Variants in FER1L6 observed in about 807,000 individuals in gnomAD.
FER1L6 encodes fer-1 like family member 6, also known as fer-1-like protein 6.
Under a neutral mutation model 219.2 loss-of-function variants are expected in FER1L6, and 177 were observed. The ratio of observed to expected loss-of-function variants is 0.81; its 90% CI spans 0.71 to 0.91. The LOEUF is 0.91. Ranked by LOEUF, FER1L6 falls within the 40% of genes least tolerant of loss-of-function variation. The pLI is 0.00. For synonymous variants in FER1L6, 768 were observed against 824.3 expected (o/e 0.93, Z 1.17); for missense variants, 2,153 against 2,259.9 (o/e 0.95, Z 0.96).
At chr8:123,897,591 T>C (rs933493361) in intron 1 of FER1L6, among the ~76,000 whole-genome samples, 2 of 152,218 alleles carry the variant, frequency 1.3e-5, no homozygotes, top group Non-Finnish European at 1.5e-5. Context: ...ATTAGTTTTA[T>C]AGAACTGAAA....
Position 124,015,607 on chromosome 8 carries a change from A to ATATATATATGTATGTATG in FER1L6, c.1923-2012_1923-2011insGTATGTATGTATATATAT, listed in dbSNP as rs71289634. 4.3e-3 allele frequency among the ~76,000 whole-genome samples: 379 copies of ATATATATATGTATGTATG among 88,542 alleles called. 8 individuals are homozygous for ATATATATATGTATGTATG. The highest frequency in any genetic ancestry group is 0.015 in the African/African-American group (359 of 23,202). The allele number at this position is 88,542 out of a possible 152,430, so 58.1% of individuals were successfully genotyped here. A position where few individuals can be genotyped will look rare whatever the true frequency, so the allele number is the denominator to read the frequency against. ...TATATATATATATATATATATATATATATATATATTACTCCTGCTGTGAGC... is the reference window on the plus strand; with the variant it reads ...TATATATATATATATATATATATATATATATATATGTATGTATGTATATATATTACTCCTGCTGTGAGC... On this transcript the variant is annotated intron_variant, in intron 15 of 40. Transcript: ENST00000522917.
intron 1 of FER1L6, among the ~76,000 whole-genome samples, chr8:123,862,421 G>C (rs1816762252): frequency 1.4e-5 from 2 of 139,814 alleles, no homozygotes; most frequent in Non-Finnish European, 3.0e-5. Flanking sequence ...GTTCATCAAG[G>C]ATATTGGTCC....
At chr8:124,002,206 C>T (rs185046036) in intron 12 of FER1L6, among the ~76,000 whole-genome samples, 15 of 152,280 alleles carry the variant, frequency 9.9e-5, no homozygotes, top group South Asian at 2.1e-4. Context: ...CAATTCTGTA[C>T]GGAAGGTGGC....
intron 2 of FER1L6, among the ~76,000 whole-genome samples, chr8:123,956,845 C>A (rs978537001): frequency 1.3e-5 from 2 of 152,188 alleles, no homozygotes; most frequent in Non-Finnish European, 2.9e-5. Context: ...GTCTCACTTT[C>A]TGCTCTTAGA....
intron 2 of FER1L6, 37 bp from the exon 3 acceptor site, chr8:123,963,241 A>G (rs778699352): frequency 1.2e-6 from 2 of 1,612,138 alleles, no homozygotes; most frequent in South Asian, 2.2e-5. Flanking sequence ...CCACATGTCA[A>G]TTTCACAGGA....
intron 16 of FER1L6, among the ~76,000 whole-genome samples, chr8:124,018,424 A>G (rs6470207): frequency 0.021 from 3,140 of 152,284 alleles, 110 homozygotes; most frequent in African/African-American, 0.07. Flanking sequence ...TGTAATCCAA[A>G]AACTAAAACC....
In FER1L6 at chr8:124,066,307, T is replaced by A. The variant is rs181280265; in HGVS notation, c.3556-121T>A. 1.6e-4 allele frequency: 171 copies of A among 1,096,274 alleles called. 1 individual carries two copies. The African/African-American group carries it at 2.6e-3, about 17-fold the overall frequency. The allele number at this position is 1,096,274 out of a possible 1,614,324, so 67.9% of individuals were successfully genotyped here. ...CAGAGAGCTGCTATCACAAAACCAGTGGATACCTCTGTGTGTTTTCCAGTG... is the reference window on the plus strand; with the variant it reads ...CAGAGAGCTGCTATCACAAAACCAGAGGATACCTCTGTGTGTTTTCCAGTG... On this transcript the variant is annotated intron_variant, in intron 26 of 40. Transcript: ENST00000522917.
At chr8:123,878,707 T>C (rs1466061173) in intron 1 of FER1L6, among the ~76,000 whole-genome samples, 1 of 152,262 alleles carries the variant, frequency 6.6e-6, no homozygotes, top group East Asian at 1.9e-4. Flanking sequence ...GTGTGTACAT[T>C]AATAAAATAC....
chr8:124,094,767 G>A (rs1822201323), intron 34 of FER1L6, 129 bp from the exon 35 acceptor site: 4 of 1,040,744 alleles, frequency 3.8e-6, no homozygotes, highest in Non-Finnish European at 5.8e-6. Context: ...GATTACAGGT[G>A]TGAACCACTG....
At chr8:124,101,624 T>C (rs1468440685) in intron 38 of FER1L6, among the ~76,000 whole-genome samples, 1 of 152,212 alleles carries the variant, frequency 6.6e-6, no homozygotes, top group African/African-American at 2.4e-5. Flanking sequence ...AGTTGTAAAA[T>C]GAGGGTAGTA....
At chr8:124,035,479 G>T in intron 19 of FER1L6, 25 bp downstream of exon 19, 1 of 1,586,166 alleles carries the variant, frequency 6.3e-7, no homozygotes, top group South Asian at 1.1e-5. Flanking sequence ...GGGCAAAGAG[G>T]GTCATTCGAG....
At chr8:123,966,898 G>A (rs2130225055) in intron 5 of FER1L6, among the ~76,000 whole-genome samples, 1 of 152,142 alleles carries the variant, frequency 6.6e-6, no homozygotes, top group Admixed American at 6.5e-5. Flanking sequence ...TGGCTAACAT[G>A]GTGAAACCCC....
rs945593776 is a variant in FER1L6 at position 124,067,029 on chromosome 8, G to A, written c.3678+479G>A. On this transcript the variant is annotated intron_variant, in intron 27 of 40. Coordinates refer to ENST00000522917, the MANE Select transcript of FER1L6 (RefSeq NM_001039112.2). ...TTATAAGTGGGTTTACATAGCAAGA[G>A]CAGGGCCTCATGTCCATGGAATGAG... Among the ~76,000 whole-genome samples, 4 of 152,176 alleles carry A rather than the reference G, an allele frequency of 2.6e-5. No individual in the cohort carries two copies. In the South Asian group the frequency reaches 8.3e-4, roughly 32 times the overall value.
chr8:123,973,923 C>T (rs557692695), intron 7 of FER1L6, among the ~76,000 whole-genome samples: 5 of 152,298 alleles, frequency 3.3e-5, no homozygotes, highest in African/African-American at 4.8e-5. Context: ...CTTACTACTT[C>T]CTTCATAGGT....
chr8:124,104,131 T>C (rs77114427), intron 39 of FER1L6, among the ~76,000 whole-genome samples: 3,874 of 152,294 alleles, frequency 0.025, 179 homozygotes, highest in African/African-American at 0.088. Context: ...CTAGTTCTAT[T>C]GTATTTTCTG....
intron 40 of FER1L6, 62 bp downstream of exon 40, chr8:124,119,006 T>G: frequency 7.5e-7 from 1 of 1,338,190 alleles, no homozygotes. Flanking sequence ...TCCTTGCTGG[T>G]GTCTGATAAT....
rs779012175 is a variant in FER1L6 at position 123,936,462 on chromosome 8, G to GTTTTTT, written c.-7-19511_-7-19506dup. On this transcript the variant is annotated intron_variant, in intron 1 of 40. Transcript: ENST00000522917. ...TTTAGATAAAAGATAATTGCAGCCT[G>GTTTTTT]TTTTTTTTTTTTTTTTTTTTTTTTG... 1.5e-3 allele frequency among the ~76,000 whole-genome samples: 147 copies of GTTTTTT among 97,942 alleles called. 9 individuals are homozygous for GTTTTTT. The highest frequency in any genetic ancestry group is 8.5e-3 in the Middle Eastern group (1 of 118). The allele number at this position is 97,942 out of a possible 152,430, so 64.3% of individuals were successfully genotyped here. A position where few individuals can be genotyped will look rare whatever the true frequency, so the allele number is the denominator to read the frequency against.
In FER1L6 at chr8:123,852,471, CGTGTGTGTGTGT is replaced by C. The variant is rs61303449; in HGVS notation, c.-8+317_-8+328del. 4.5e-4 allele frequency among the ~76,000 whole-genome samples: 63 copies of C among 140,048 alleles called. No individual in the cohort carries two copies. The highest frequency in any genetic ancestry group is 3.2e-3 in the East Asian group (15 of 4,708). 91.9% of individuals were successfully genotyped at this position (140,048 alleles called of 152,430 possible). The stretch of plus-strand genomic sequence containing the variant: ...GCTTGAACTCCATGTTGTGAGCATG[CGTGTGTGTGTGT>C]GTGTGTGTGTGTGTGTGTGTGTGTG... On this transcript the variant is annotated intron_variant, in intron 1 of 40. Transcript: ENST00000522917. The surrounding 1 kb of genome is among the most constrained non-coding windows in gnomAD (Gnocchi z 4.9).
chr8:123,928,282 G>T (rs1813641483), intron 1 of FER1L6, among the ~76,000 whole-genome samples: 1 of 151,816 alleles, frequency 6.6e-6, no homozygotes, highest in African/African-American at 2.4e-5. Flanking sequence ...TTTCTTTTTG[G>T]CTGCTCTGCA....
Sources: allele counts gnomAD v4.1 joint callset (sites outside exome capture counted in the v4.1 genomes callset), GRCh38; gene constraint gnomAD v4.1.1; non-coding constraint Gnocchi (gnomAD v3.1); transcripts MANE v1.5; gene names NCBI Gene and HGNC (gene_info 2026-07-23, HGNC 2026-07-21).